The following CCDC158 variants were observed in gnomAD, a reference collection of about 807,000 sequenced individuals.
The protein encoded by CCDC158 is coiled-coil domain-containing protein 158.
A neutral mutation model predicts 138.6 loss-of-function variants in CCDC158; 116 were observed. That is an observed-to-expected ratio of 0.84 (90% CI 0.72 to 0.98). The LOEUF (loss-of-function observed/expected upper bound fraction) is 0.98, where lower values mean the gene tolerates loss of function less well. Among genes scored for constraint, CCDC158 ranks in the 50% least tolerant of loss-of-function variants. The pLI is 0.00. For synonymous variants in CCDC158, 436 were observed against 442.4 expected (o/e 0.99, Z 0.18); for missense variants, 1,265 against 1,306.1 (o/e 0.97, Z 0.48).
At chr4:76,408,968 C>A (rs1158888368) in intron 2 of CCDC158, among the ~76,000 whole-genome samples, 1 of 152,158 alleles carries the variant, frequency 6.6e-6, no homozygotes. Context: ...TGTCTTTTGG[C>A]TGCATAAATG....
chr4:76,386,932 C>CT (rs1338017755), intron 4 of CCDC158, among the ~76,000 whole-genome samples: 1 of 152,232 alleles, frequency 6.6e-6, no homozygotes, highest in Non-Finnish European at 1.5e-5. Context: ...AGTTTCTCAG[C>CT]AAGCCTCACC....
intron 9 of CCDC158, among the ~76,000 whole-genome samples, chr4:76,377,530 C>T (rs1188167887): frequency 6.6e-6 from 1 of 151,914 alleles, no homozygotes; most frequent in African/African-American, 2.4e-5. Flanking sequence ...ATCAGCCCCT[C>T]CTGCTGTTGT....
At chr4:76,321,352 T>A (rs1367557412) in intron 24 of CCDC158, among the ~76,000 whole-genome samples, 1 of 152,006 alleles carries the variant, frequency 6.6e-6, no homozygotes, top group Non-Finnish European at 1.5e-5. Context: ...TGGAAAGCAG[T>A]ACAGAGATTT....
rs763138533 is a variant in CCDC158, at chr4:76,331,328, G to A, written c.2942+16C>T. On this transcript the variant is annotated intron_variant, in intron 21 of 24. Transcript: ENST00000682701. Reference sequence around the variant, plus strand: ...GTAAAAGGGACATTTTGAAAATGGGGGCTGGTATTTCCTACCTACTAAGAG... The same window carrying A: ...GTAAAAGGGACATTTTGAAAATGGGAGCTGGTATTTCCTACCTACTAAGAG... 6 of 1,608,826 alleles carry A rather than the reference G, an allele frequency of 3.7e-6. No individual in the cohort carries two copies. The South Asian group carries it at 4.4e-5, about 12-fold the overall frequency.
intron 15 of CCDC158, among the ~76,000 whole-genome samples, chr4:76,354,586 T>C (rs1007409622): frequency 6.6e-6 from 1 of 152,194 alleles, no homozygotes; most frequent in African/African-American, 2.4e-5. Context: ...CATGGTTGCT[T>C]ATTCGTGAAT....
chr4:76,326,016 C>T lies in CCDC158; in HGVS notation c.3011-1G>A. On this transcript the variant is annotated splice_acceptor_variant, in intron 22 of 24. Transcript: ENST00000682701. LOFTEE classifies it high-confidence loss of function. Reference sequence around the variant, plus strand: ...GCTGAGTTTTTCACAGATGGACTTGCTAAAAGTTTGCAAGAATAAAAGTAA... The same window carrying T: ...GCTGAGTTTTTCACAGATGGACTTGTTAAAAGTTTGCAAGAATAAAAGTAA... 6.2e-7 allele frequency: 1 copy of T among 1,605,812 alleles called. No individual in the cohort carries two copies. Among genetic ancestry groups the T allele is most frequent in the East Asian group, 2.2e-5 (1 of 44,718 alleles).
chr4:76,330,118 G>C (rs1720889780), intron 21 of CCDC158, among the ~76,000 whole-genome samples: 2 of 152,112 alleles, frequency 1.3e-5, no homozygotes, highest in Admixed American at 1.3e-4. Context: ...TTATCTCAGG[G>C]AAGTAGCTTC....
At chr4:76,376,497 C>A (rs148021471) in intron 9 of CCDC158, among the ~76,000 whole-genome samples, 1 of 152,106 alleles carries the variant, frequency 6.6e-6, no homozygotes, top group Non-Finnish European at 1.5e-5. Context: ...TTTTAATAGG[C>A]TTTAGCAATG....
chr4:76,407,163 T>A (rs902239890), intron 2 of CCDC158: 4 of 152,096 alleles, frequency 2.6e-5, no homozygotes, highest in Non-Finnish European at 4.4e-5. Context: ...TCTAAAAATT[T>A]AAAAAAACCC....
intron 17 of CCDC158, 103 bp downstream of exon 17, chr4:76,351,617 T>A: frequency 1.5e-6 from 1 of 688,352 alleles, no homozygotes; most frequent in East Asian, 2.7e-5. Context: ...TCAAGTAATG[T>A]TGAAATATAC....
At chr4:76,369,170 G>A (rs752810363) in intron 11 of CCDC158, among the ~76,000 whole-genome samples, 29 of 152,014 alleles carry the variant, frequency 1.9e-4, no homozygotes, top group Non-Finnish European at 3.2e-4. Flanking sequence ...AGCCGAGATC[G>A]CGCCACTGCA....
chr4:76,396,746 T>C (rs1012967951), intron 3 of CCDC158, among the ~76,000 whole-genome samples: 1 of 152,046 alleles, frequency 6.6e-6, no homozygotes, highest in African/African-American at 2.4e-5. Flanking sequence ...TCTGGTCTCG[T>C]ACTCCTGACC....
chr4:76,355,291 G>T, intron 15 of CCDC158, 33 bp downstream of exon 15: 1 of 1,363,666 alleles, frequency 7.3e-7, no homozygotes, highest in Non-Finnish European at 1.1e-6. Flanking sequence ...GAGTGAACAT[G>T]TTGGTTTCCC....
intron 24 of CCDC158, among the ~76,000 whole-genome samples, chr4:76,318,477 C>T (rs1719623801): frequency 6.6e-6 from 1 of 151,902 alleles, no homozygotes; most frequent in African/African-American, 2.4e-5. Context: ...AACAGAAACT[C>T]TGAAGAGACT....
chr4:76,332,832 T>C (rs900622672), intron 19 of CCDC158, among the ~76,000 whole-genome samples: 1 of 151,816 alleles, frequency 6.6e-6, no homozygotes, highest in Non-Finnish European at 1.5e-5. Context: ...GTGGCTGGAG[T>C]GGTGGAAGCT....
In CCDC158 at chr4:76,393,425, T is replaced by G. The variant is rs183080470; in HGVS notation, c.288+2844A>C. On this transcript the variant is annotated intron_variant, in intron 4 of 24. Transcript: ENST00000682701. ...TAAATGGTACTGGGAAAACTGGATA[T>G]CCATATGCAGAGGAATGAAACTAGA... Among the ~76,000 whole-genome samples, 71 of 152,088 alleles carry G rather than the reference T, an allele frequency of 4.7e-4. No homozygotes were observed. The East Asian group carries it at 0.013, about 28-fold the overall frequency.
chr4:76,322,847 G>A (rs116358916), intron 24 of CCDC158, among the ~76,000 whole-genome samples: 2,099 of 152,196 alleles, frequency 0.014, 27 homozygotes, highest in Non-Finnish European at 0.022. Flanking sequence ...TTTGTGATTC[G>A]TTGGGTGGCA....
chr4:76,412,807 AT>A (rs376841136), intron 1 of CCDC158, among the ~76,000 whole-genome samples: 3 of 152,316 alleles, frequency 2.0e-5, no homozygotes, highest in African/African-American at 7.2e-5. Flanking sequence ...TTACAACAAA[AT>A]GTGTTTAATT....
chr4:76,323,862 G>A lies in CCDC158; in HGVS notation c.3170-453C>T, dbSNP rs1023484666. ...GCCCACGTTAGTTCTGTCACCTAACGTGAATGGTATTGTATGATGGCAGAG... is the reference window on the plus strand; with the variant it reads ...GCCCACGTTAGTTCTGTCACCTAACATGAATGGTATTGTATGATGGCAGAG... On this transcript the variant is annotated intron_variant, in intron 23 of 24. Coordinates refer to ENST00000682701, the MANE Select transcript of CCDC158 (RefSeq NM_001394954.1). Among the ~76,000 whole-genome samples the A allele has an allele frequency of 7.2e-5, 11 of 152,292 alleles. No homozygotes were observed. The East Asian group carries it at 1.5e-3, about 21-fold the overall frequency.
Sources: gnomAD v4.1 joint callset for allele counts (sites outside exome capture counted in the v4.1 genomes callset) on GRCh38, gnomAD v4.1.1 for gene constraint, MANE v1.5 for transcripts, NCBI Gene and HGNC (gene_info 2026-07-23, HGNC 2026-07-21) for gene names.